The following SH3KBP1 variants were observed in gnomAD, a reference collection of about 807,000 sequenced individuals.
SH3KBP1 encodes the protein SH3 domain-containing kinase-binding protein 1.
A neutral mutation model predicts 50.1 loss-of-function variants in SH3KBP1; 8 were observed. The ratio of observed to expected loss-of-function variants is 0.16; its 90% CI spans 0.09 to 0.29. The LOEUF is 0.29. Ranked by LOEUF, SH3KBP1 falls within the 10% of genes least tolerant of loss-of-function variation. The pLI is 1.00. For synonymous variants in SH3KBP1, 227 were observed against 218.6 expected (o/e 1.04, Z -0.34); for missense variants, 377 against 535.2 (o/e 0.70, Z 2.92).
intron 7 of SH3KBP1, among the ~76,000 whole-genome samples, chrX:19,640,280 G>A (rs1236821019): frequency 9.0e-6 from 1 of 111,338 alleles, no homozygotes; most frequent in Non-Finnish European, 1.9e-5. Context: ...CAGCCCAAGT[G>A]CAGCGCCTCA....
rs765629176 is a variant in SH3KBP1 at position 19,568,197 on chromosome X, C to T, written c.1384+906G>A. 4.5e-5 allele frequency among the ~76,000 whole-genome samples: 5 copies of T among 111,538 alleles called. No homozygotes were observed. In the South Asian group the frequency reaches 1.9e-3, roughly 42 times the overall value. On this transcript the variant is annotated intron_variant, in intron 13 of 17. Transcript: ENST00000397821. ...GAATAAGACCTACTATTTGATAGCA[C>T]AATAGCATCTCTATAGTCAATAATA... is the stretch of plus-strand genomic sequence containing the variant.
At chrX:19,849,524 G>A (rs771866999) in intron 1 of SH3KBP1, among the ~76,000 whole-genome samples, 39 of 109,017 alleles carry the variant, frequency 3.6e-4, no homozygotes, top group African/African-American at 1.2e-3. Flanking sequence ...CCCCGTCTCC[G>A]CAAAAAATAC....
At chrX:19,790,739 A>ATGAT (rs1209030570) in intron 2 of SH3KBP1, among the ~76,000 whole-genome samples, 1 of 110,983 alleles carries the variant, frequency 9.0e-6, no homozygotes, top group Non-Finnish European at 1.9e-5. Context: ...TGACTGTAAC[A>ATGAT]TGATTATAAC....
intron 6 of SH3KBP1, among the ~76,000 whole-genome samples, chrX:19,673,748 C>T (rs1158427900): frequency 9.0e-6 from 1 of 111,598 alleles, no homozygotes; most frequent in Admixed American, 9.5e-5. Context: ...CCAACTTGCC[C>T]ACCCACCCAG....
chrX:19,687,497 A>G, intron 5 of SH3KBP1: 1 of 581,349 alleles, frequency 1.7e-6, no homozygotes, highest in Non-Finnish European at 2.9e-6. Flanking sequence ...TCCTTGGATC[A>G]GAAATTCACA....
In SH3KBP1 at chrX:19,634,555, C is replaced by T. The variant is rs191960025; in HGVS notation, c.803-2597G>A. Among the ~76,000 whole-genome samples, 135 of 111,477 alleles carry T rather than the reference C, an allele frequency of 1.2e-3. No homozygotes were observed. The Middle Eastern group carries it at 0.019, about 15-fold the overall frequency. On this transcript the variant is annotated intron_variant, in intron 7 of 17. Coordinates refer to ENST00000397821, the MANE Select transcript of SH3KBP1 (RefSeq NM_031892.3). ...CAGCCCTCTTTGCACCCCCCAAAAC[C>T]GGACACAGAGCTCCCACTCAATGTT...
chrX:19,764,760 T>A (rs912794888), intron 2 of SH3KBP1, among the ~76,000 whole-genome samples: 2 of 108,845 alleles, frequency 1.8e-5, no homozygotes, highest in African/African-American at 6.7e-5. Context: ...CTACCTAGGG[T>A]CTCACCATCT....
At chrX:19,832,852 G>A (rs188155249) in intron 2 of SH3KBP1, among the ~76,000 whole-genome samples, 52 of 111,909 alleles carry the variant, frequency 4.6e-4, no homozygotes, top group East Asian at 5.6e-4. Context: ...CTCCGAGCAG[G>A]GGGAGGGTCA....
intron 2 of SH3KBP1, among the ~76,000 whole-genome samples, chrX:19,779,364 T>C (rs1234559390): frequency 1.8e-5 from 2 of 108,803 alleles, no homozygotes; most frequent in African/African-American, 6.7e-5. Context: ...ACATCATGTA[T>C]TGGGGGTTCA....
intron 1 of SH3KBP1, among the ~76,000 whole-genome samples, chrX:19,886,506 TC>T (rs951697524): frequency 9.0e-6 from 1 of 111,725 alleles, no homozygotes; most frequent in African/African-American, 3.3e-5. Flanking sequence ...GTTCCAATGC[TC>T]CGGGGTCTAA....
chrX:19,577,027 A>T (rs918699661), intron 12 of SH3KBP1, among the ~76,000 whole-genome samples: 5 of 112,387 alleles, frequency 4.4e-5, no homozygotes, highest in African/African-American at 1.6e-4. Context: ...AGGCTTTTTG[A>T]GCCAGTATCA....
intron 9 of SH3KBP1, among the ~76,000 whole-genome samples, chrX:19,596,418 C>T (rs1288259181): frequency 1.8e-5 from 2 of 112,001 alleles, no homozygotes; most frequent in Admixed American, 1.9e-4. Flanking sequence ...GAGTTGTAAA[C>T]TTTTTGCTGG....
intron 2 of SH3KBP1, among the ~76,000 whole-genome samples, chrX:19,829,857 A>C (rs771224746): frequency 4.5e-5 from 5 of 111,266 alleles, no homozygotes; most frequent in Non-Finnish European, 9.4e-5. Flanking sequence ...ATGCCAAACA[A>C]GGGGTGGATT....
intron 13 of SH3KBP1, among the ~76,000 whole-genome samples, chrX:19,568,362 C>A (rs2065910624): frequency 8.9e-6 from 1 of 112,078 alleles, no homozygotes; most frequent in African/African-American, 3.2e-5. Flanking sequence ...TCATTTTCCT[C>A]TTCCCAAGAA....
chrX:19,554,325 AAATAT>A (rs1206576742), intron 13 of SH3KBP1, among the ~76,000 whole-genome samples: 1 of 80,251 alleles, frequency 1.2e-5, no homozygotes, highest in Non-Finnish European at 2.2e-5. Flanking sequence ...CATCATATTA[AAATAT>A]AATATTATAT....
intron 12 of SH3KBP1, among the ~76,000 whole-genome samples, chrX:19,573,519 G>A (rs1042726491): frequency 7.2e-5 from 8 of 111,633 alleles, no homozygotes; most frequent in African/African-American, 2.0e-4. Flanking sequence ...ATTCCTGACC[G>A]CAAGTGATCT....
Position 19,561,076 on chromosome X carries a change from A to C in SH3KBP1, c.1384+8027T>G, listed in dbSNP as rs965386048. On this transcript the variant is annotated intron_variant, in intron 13 of 17. Transcript: ENST00000397821. ...GCAACAGAGCAAGACCCTGTCTAAA[A>C]AAAAAAAAAAAAAAAAAAGAGCAGT... is the stretch of plus-strand genomic sequence containing the variant. 8.8e-3 allele frequency among the ~76,000 whole-genome samples: 924 copies of C among 105,298 alleles called. 14 individuals are homozygous for C. Among genetic ancestry groups the C allele is most frequent in the African/African-American group, 0.031 (863 of 28,177 alleles). 91.4% of individuals were successfully genotyped at this position (105,298 alleles called of 115,157 possible).
intron 1 of SH3KBP1, among the ~76,000 whole-genome samples, chrX:19,852,502 G>A (rs1027239739): frequency 3.6e-5 from 4 of 110,375 alleles, no homozygotes; most frequent in Admixed American, 9.8e-5. Context: ...CCAACTCCCA[G>A]AGAGATCAGA....
intron 2 of SH3KBP1, among the ~76,000 whole-genome samples, chrX:19,802,265 C>G (rs1336654001): frequency 9.0e-6 from 1 of 110,842 alleles, no homozygotes; most frequent in Non-Finnish European, 1.9e-5. Context: ...TGTGGTGGCG[C>G]ATGTCTGTAG....
Sources: gnomAD v4.1 joint callset for allele counts (sites outside exome capture counted in the v4.1 genomes callset) on GRCh38, gnomAD v4.1.1 for gene constraint, MANE v1.5 for transcripts, NCBI Gene and HGNC (gene_info 2026-07-23, HGNC 2026-07-21) for gene names.